The following RAB27B variants were observed in gnomAD, a reference collection of about 807,000 sequenced individuals.
The protein encoded by RAB27B is ras-related protein Rab-27B.
Under a neutral mutation model 24.6 loss-of-function variants are expected in RAB27B, and 15 were observed. That is an observed-to-expected ratio of 0.61 (90% CI 0.41 to 0.94). RAB27B has a LOEUF of 0.94. RAB27B is among the 40% of genes least tolerant of loss of function. The pLI, the probability that RAB27B is intolerant of heterozygous loss-of-function variation, is 0.00. For missense variants in RAB27B, 261 were observed against 266.8 expected (o/e 0.98, Z 0.15); for synonymous variants, 105 against 92.5 (o/e 1.14, Z -0.78).
At chr18:54,747,142 T>G (rs970683683) in intron 2 of RAB27B, among the ~76,000 whole-genome samples, 3 of 152,120 alleles carry the variant, frequency 2.0e-5, no homozygotes, top group African/African-American at 7.2e-5. Context: ...CTACTCTCCA[T>G]AGAGCAGGAC....
chr18:54,751,926 T>C (rs1907844350), intron 2 of RAB27B, among the ~76,000 whole-genome samples: 1 of 152,178 alleles, frequency 6.6e-6, no homozygotes, highest in Non-Finnish European at 1.5e-5. Flanking sequence ...ATCATTTCTC[T>C]TGGGCTACAA....
rs187736371 is a variant in RAB27B, at chr18:54,842,494, G to A, written c.-20+13794G>A. On this transcript the variant is annotated intron_variant, in intron 1 of 5. Coordinates refer to ENST00000262094, the MANE Select transcript of RAB27B (RefSeq NM_004163.4). Reference sequence around the variant, plus strand: ...TTTCAAGTAATTTTAAGCATAACTAGGTTTATCAGGACATTCTCAAGCCCA... The same window carrying A: ...TTTCAAGTAATTTTAAGCATAACTAAGTTTATCAGGACATTCTCAAGCCCA... Among the ~76,000 whole-genome samples the A allele has an allele frequency of 2.4e-5, 3 of 127,108 alleles. No individual in the cohort carries two copies. In the East Asian group the frequency reaches 7.2e-4, roughly 31 times the overall value. The allele number at this position is 127,108 out of a possible 152,430, so 83.4% of individuals were successfully genotyped here.
upstream of RAB27B, among the ~76,000 whole-genome samples, chr18:54,824,842 G>A (rs968881947): frequency 5.3e-5 from 8 of 151,572 alleles, no homozygotes; most frequent in African/African-American, 1.9e-4. Context: ...TTTTCTTGGA[G>A]ACATTCCTAC....
chr18:54,785,365 G>A (rs1404187234), intron 2 of RAB27B, among the ~76,000 whole-genome samples: 1 of 150,750 alleles, frequency 6.6e-6, no homozygotes, highest in East Asian at 1.9e-4. Context: ...GCCTCCCAAA[G>A]TGCTGGGATT....
At chr18:54,724,716 A>G (rs1171885702) in intron 2 of RAB27B, among the ~76,000 whole-genome samples, 1 of 151,300 alleles carries the variant, frequency 6.6e-6, no homozygotes, top group African/African-American at 2.4e-5. Context: ...CAAACAAACA[A>G]AAACCTACTA....
chr18:54,768,916 G>A (rs1568058913), intron 2 of RAB27B, among the ~76,000 whole-genome samples: 1 of 152,198 alleles, frequency 6.6e-6, no homozygotes, highest in South Asian at 2.1e-4. Context: ...AGGGATTATG[G>A]GGATTACAAT....
At chr18:54,888,870 G>A (rs1232770542) in intron 5 of RAB27B, among the ~76,000 whole-genome samples, 1 of 152,096 alleles carries the variant, frequency 6.6e-6, no homozygotes, top group East Asian at 1.9e-4. Context: ...ATAATTGAGT[G>A]GAAGGGAAGC....
At chr18:54,785,794 T>C (rs1364026711) in intron 2 of RAB27B, among the ~76,000 whole-genome samples, 3 of 152,170 alleles carry the variant, frequency 2.0e-5, no homozygotes, top group East Asian at 3.8e-4. Flanking sequence ...ATGCAATGCA[T>C]GTGTATGAAC....
chr18:54,844,418 T>C lies in RAB27B; in HGVS notation c.-20+15718T>C, dbSNP rs1398333789. Among the ~76,000 whole-genome samples, 36 of 147,376 alleles carry C rather than the reference T, an allele frequency of 2.4e-4. No individual in the cohort carries two copies. The East Asian group carries it at 6.9e-3, about 28-fold the overall frequency. ...TCTTTCTTTTCTTTTCTTTTTTTTT[T>C]TTTTTTTTGATACAGTCTTGCTCTG... On this transcript the variant is annotated intron_variant, in intron 1 of 5. Transcript: ENST00000262094.
At position 54,884,382 on chromosome 18, in the gene RAB27B, T is replaced by C; in HGVS notation, c.289T>C (p.Leu97=). The change falls in exon 4 of 6, where the codon TTA becomes CTA. Residue 97 remains leucine, a synonymous_variant. Coordinates refer to ENST00000262094, the MANE Select transcript of RAB27B (RefSeq NM_004163.4). ...TTTCAGAGACGCCATGGGCTTCTTA[T>C]TAATGTTTGACCTCACCAGTCAACA... The part of the protein sequence containing the change: ...AFFRDAMGFL[L]MFDLTSQQSF... 6.2e-7 allele frequency: 1 copy of C among 1,613,036 alleles called. No homozygotes were observed. The highest frequency in any genetic ancestry group is 8.5e-7 in the Non-Finnish European group (1 of 1,179,182).
chr18:54,804,860 C>T lies in RAB27B; in HGVS notation c.-19-72707C>T, dbSNP rs1244078643. 1.2e-3 allele frequency among the ~76,000 whole-genome samples: 14 copies of T among 11,420 alleles called. 1 individual carries two copies. The highest frequency in any genetic ancestry group is 0.1 in the Middle Eastern group (1 of 10). 7.5% of individuals were successfully genotyped at this position (11,420 alleles called of 152,430 possible). On this transcript the variant is annotated intron_variant, in intron 2 of 4. Coordinates refer to the RAB27B transcript ENST00000586570. ...GTTTCTTTTCTTTCCTTCCTTCCTT[C>T]CTTTCTTTTTTTCTTTTTTCTTTCT...
chr18:54,748,255 A>C (rs1417549241), intron 2 of RAB27B, among the ~76,000 whole-genome samples: 1 of 152,202 alleles, frequency 6.6e-6, no homozygotes, highest in Admixed American at 6.6e-5. Context: ...TAAAGATATA[A>C]GCACTAAAGG....
rs1013730196 is a variant in RAB27B at position 54,823,439 on chromosome 18, T to G, written c.-19-54128T>G. Among the ~76,000 whole-genome samples the G allele has an allele frequency of 3.3e-5, 5 of 152,280 alleles. 1 individual carries two copies. The highest frequency in any genetic ancestry group is 7.2e-5 in the African/African-American group (3 of 41,570). ...GAGGGGGTCAAGTCAAGAGAAATTT[T>G]TAAGAGGATGGTGAAGGATGAAAGG... On this transcript the variant is annotated intron_variant, in intron 2 of 4. Transcript: ENST00000586570.
intron 2 of RAB27B, among the ~76,000 whole-genome samples, chr18:54,799,408 T>C (rs1016517424): frequency 6.6e-6 from 1 of 152,120 alleles, no homozygotes; most frequent in South Asian, 2.1e-4. Flanking sequence ...AATAATTTTG[T>C]AGGTCATAAG....
chr18:54,724,686 G>A (rs749480256), intron 2 of RAB27B, among the ~76,000 whole-genome samples: 11 of 151,322 alleles, frequency 7.3e-5, no homozygotes, highest in Non-Finnish European at 1.5e-4. Context: ...GGTAAGAGAG[G>A]TATCAAAAAC....
intron 1 of RAB27B, among the ~76,000 whole-genome samples, chr18:54,865,738 A>C (rs1225615747): frequency 6.6e-6 from 1 of 152,222 alleles, no homozygotes; most frequent in Non-Finnish European, 1.5e-5. Context: ...AAATAAGCTA[A>C]TGTTAAATGT....
chr18:54,811,921 C>G (rs1909976066), intron 2 of RAB27B, among the ~76,000 whole-genome samples: 1 of 152,178 alleles, frequency 6.6e-6, no homozygotes, highest in Non-Finnish European at 1.5e-5. Context: ...CATATTGCAA[C>G]TTCCTATCCA....
rs769368781 is a variant in RAB27B, at chr18:54,879,380, A to G, written c.165A>G (p.Ala55=). 6.8e-6 allele frequency: 11 copies of G among 1,611,954 alleles called. No individual in the cohort carries two copies. The highest frequency in any genetic ancestry group is 2.2e-5 in the East Asian group (1 of 44,856). ...GTTGTATCTTTCAGGTTTATAATGC[A>G]CAAGGACCGAATGGATCTTCAGGGA... is the stretch of plus-strand genomic sequence containing the variant. ...DFREKRVVYN[A]QGPNGSSGKA... The change falls in exon 3 of 6, where the codon GCA becomes GCG. Residue 55 remains alanine, a synonymous_variant. Coordinates refer to ENST00000262094, the MANE Select transcript of RAB27B (RefSeq NM_004163.4).
chr18:54,815,319 A>C (rs1910088911), intron 2 of RAB27B, among the ~76,000 whole-genome samples: 1 of 152,128 alleles, frequency 6.6e-6, no homozygotes, highest in South Asian at 2.1e-4. Flanking sequence ...CCTGTTTTAA[A>C]CTTGAGCAGA....
Sources: gnomAD v4.1 joint callset for allele counts (sites outside exome capture counted in the v4.1 genomes callset) on GRCh38, gnomAD v4.1.1 for gene constraint, MANE v1.5 for transcripts, NCBI Gene and HGNC (gene_info 2026-07-23, HGNC 2026-07-21) for gene names.